Variants in GABRR2 observed in about 807,000 individuals in gnomAD.
The protein encoded by GABRR2 is gamma-aminobutyric acid receptor subunit rho-2.
In GABRR2, 36 loss-of-function variants were observed where a neutral mutation model predicts 47.0. The ratio of observed to expected loss-of-function variants is 0.77; its 90% CI spans 0.59 to 1.01. The LOEUF is 1.01. GABRR2 is among the 50% of genes least tolerant of loss of function. The pLI is 0.00. For missense variants in GABRR2, 587 were observed against 594.6 expected (o/e 0.99, Z 0.13); for synonymous variants, 204 against 227.5 (o/e 0.90, Z 0.93).
At chr6:89,281,815 A>T (rs1241959024) in intron 2 of GABRR2, among the ~76,000 whole-genome samples, 1 of 152,130 alleles carries the variant, frequency 6.6e-6, no homozygotes, top group East Asian at 1.9e-4. Flanking sequence ...AAAGGATCTC[A>T]TCTGTCTTTT....
chr6:89,284,728 C>A (rs1480451636), intron 2 of GABRR2, among the ~76,000 whole-genome samples: 1 of 152,182 alleles, frequency 6.6e-6, no homozygotes, highest in Non-Finnish European at 1.5e-5. Context: ...CCCAGCGAGA[C>A]CCATTCCGGA....
intron 1 of GABRR2, among the ~76,000 whole-genome samples, chr6:89,303,923 C>A (rs1767506883): frequency 6.6e-6 from 1 of 152,138 alleles, no homozygotes; most frequent in South Asian, 2.1e-4. Context: ...TGAAATTGGA[C>A]CCGTTTTTTA....
intron 8 of GABRR2, among the ~76,000 whole-genome samples, chr6:89,262,122 C>G (rs527506423): frequency 1.3e-5 from 2 of 152,076 alleles, no homozygotes; most frequent in African/African-American, 4.8e-5. Flanking sequence ...ATAACTACAG[C>G]TTTGATTGGA....
chr6:89,265,675 A>C lies in GABRR2; in HGVS notation c.827T>G (p.Val276Gly), dbSNP rs1773875104. 3.7e-6 allele frequency: 6 copies of C among 1,614,192 alleles called. No individual in the cohort carries two copies. The East Asian group carries it at 1.3e-4, about 36-fold the overall frequency. ...CCAGAAGGACACCCAGGACAGCATG[A>C]CCATCAGAGTGGCAGGGAAATATGT... is the stretch of plus-strand genomic sequence containing the variant. ...LQTYFPATLM[V>G]MLSWVSFWID... Residue 276 changes from valine to glycine, a missense_variant, in exon 7 of 9, where the codon GTC (valine) becomes GGC (glycine). Val to Gly is a moderately radical substitution (Grantham distance 109). Transcript: ENST00000402938.
intron 3 of GABRR2, 46 bp downstream of exon 3, chr6:89,271,609 C>A (rs367685537): frequency 2.0e-5 from 31 of 1,554,210 alleles, no homozygotes; most frequent in Non-Finnish European, 2.7e-5. Flanking sequence ...CCGAGGCCCA[C>A]TACACTACAG....
intron 1 of GABRR2, among the ~76,000 whole-genome samples, chr6:89,310,701 G>A (rs112014444): frequency 2.0e-4 from 29 of 147,172 alleles, no homozygotes; most frequent in Admixed American, 5.4e-4. Context: ...TTGAAGTGGC[G>A]TAGGTTGAAG....
intron 2 of GABRR2, among the ~76,000 whole-genome samples, chr6:89,276,324 T>C (rs9353662): frequency 0.59 from 89,609 of 151,362 alleles, 26,566 homozygotes; most frequent in East Asian, 0.7. Flanking sequence ...CAAATAGATT[T>C]TTAAACATTA....
chr6:89,303,868 T>A (rs1413253134), intron 1 of GABRR2, among the ~76,000 whole-genome samples: 1 of 152,202 alleles, frequency 6.6e-6, no homozygotes, highest in Non-Finnish European at 1.5e-5. Context: ...GACTCTTCAT[T>A]CAATACATGG....
At chr6:89,273,054 A>G (rs1361139127) in intron 2 of GABRR2, among the ~76,000 whole-genome samples, 1 of 152,180 alleles carries the variant, frequency 6.6e-6, no homozygotes. Flanking sequence ...TATTTTATTC[A>G]TTACTGGTGA....
chr6:89,312,842 T>A (rs1371399783), intron 1 of GABRR2, among the ~76,000 whole-genome samples: 1 of 152,240 alleles, frequency 6.6e-6, no homozygotes, highest in Non-Finnish European at 1.5e-5. Flanking sequence ...CCTTGAAATG[T>A]ATGTGTTCAT....
At chr6:89,263,814 C>T (rs563069230) in intron 8 of GABRR2, among the ~76,000 whole-genome samples, 11 of 152,298 alleles carry the variant, frequency 7.2e-5, no homozygotes, top group Admixed American at 4.6e-4. Context: ...TGAGCCACCA[C>T]GCCCGGCAGA....
At chr6:89,268,250 CT>C (rs1773956150) in intron 4 of GABRR2, among the ~76,000 whole-genome samples, 154 bp from the exon 5 acceptor site, 1 of 152,240 alleles carries the variant, frequency 6.6e-6, no homozygotes, top group Non-Finnish European at 1.5e-5. Flanking sequence ...AGAACCTTAA[CT>C]TCTAGAGTTT....
At chr6:89,313,555 TGTTCAGAGCAGGGCCTCTGAGG>T (rs1767712401) in intron 1 of GABRR2, among the ~76,000 whole-genome samples, 1 of 144,268 alleles carries the variant, frequency 6.9e-6, no homozygotes, top group African/African-American at 2.8e-5. Flanking sequence ...CCGCATGGGT[TGTTCAGAGCAGGGCCTCTGAGG>T]GTTTTGATCT....
chr6:89,309,730 C>A (rs147585016), intron 1 of GABRR2, among the ~76,000 whole-genome samples: 1 of 152,020 alleles, frequency 6.6e-6, no homozygotes, highest in African/African-American at 2.4e-5. Context: ...AATTGATAAT[C>A]CTGCATTGAC....
Position 89,292,346 on chromosome 6 carries a change from T to TATATA in GABRR2, c.220+7412_220+7413insTATAT, listed in dbSNP as rs1774457039. Among the ~76,000 whole-genome samples the TATATA allele has an allele frequency of 2.2e-3, 30 of 13,844 alleles. 2 individuals are homozygous for TATATA. Among genetic ancestry groups the TATATA allele is most frequent in the South Asian group, 7.4e-3 (3 of 406 alleles). The allele number at this position is 13,844 out of a possible 152,430, so 9.1% of individuals were successfully genotyped here. A position where few individuals can be genotyped will look rare whatever the true frequency, so the allele number is the denominator to read the frequency against. On this transcript the variant is annotated intron_variant, in intron 2 of 8. Coordinates refer to ENST00000402938, the MANE Select transcript of GABRR2 (RefSeq NM_002043.5). ...CATGGTGGTTTCTCAAAAAAAAATT[T>TATATA]TATATATATATATATATATATATAT...
intron 1 of GABRR2, among the ~76,000 whole-genome samples, chr6:89,303,938 A>G (rs575556357): frequency 6.6e-6 from 1 of 152,322 alleles, no homozygotes; most frequent in African/African-American, 2.4e-5. Context: ...TTTTTACACC[A>G]TATACAAATA....
intron 3 of GABRR2, 156 bp from the exon 4 acceptor site, chr6:89,269,390 G>A (rs985372364): frequency 6.3e-5 from 40 of 632,912 alleles, no homozygotes; most frequent in African/African-American, 9.1e-5. Context: ...GCACTGTGCA[G>A]TTGGAAAGAG....
At chr6:89,310,681 C>A (rs1297783616) in intron 1 of GABRR2, among the ~76,000 whole-genome samples, 1 of 150,016 alleles carries the variant, frequency 6.7e-6, no homozygotes, top group African/African-American at 2.5e-5. Flanking sequence ...TGGTTTGGGC[C>A]GCACTCAGTT....
At chr6:89,264,724 G>A (rs1582435896) in intron 7 of GABRR2, 116 bp from the exon 8 acceptor site, 1 of 1,329,954 alleles carries the variant, frequency 7.5e-7, no homozygotes, top group East Asian at 2.4e-5. Flanking sequence ...AGTCCCAGGT[G>A]TGTTTCCACC....
Sources: allele counts gnomAD v4.1 joint callset (sites outside exome capture counted in the v4.1 genomes callset), GRCh38; gene constraint gnomAD v4.1.1; transcripts MANE v1.5; gene names NCBI Gene and HGNC (gene_info 2026-07-23, HGNC 2026-07-21).